Variants in PGM2L1 observed in about 807,000 individuals in gnomAD.
The protein encoded by PGM2L1 is glucose 1,6-bisphosphate synthase.
PGM2L1 carries 35 observed loss-of-function variants against 73.4 expected under a neutral mutation model. The observed-to-expected ratio is 0.48, with a 90% confidence interval of 0.36 to 0.63. PGM2L1 has a LOEUF of 0.63. Among genes scored for constraint, PGM2L1 ranks in the 30% least tolerant of loss-of-function variants. The pLI, the probability that PGM2L1 is intolerant of heterozygous loss-of-function variation, is 0.00. For synonymous variants in PGM2L1, 225 were observed against 253.8 expected (o/e 0.89, Z 1.08); for missense variants, 570 against 742.0 (o/e 0.77, Z 2.69).
intron 1 of PGM2L1, among the ~76,000 whole-genome samples, chr11:74,385,423 GGACAATT>G (rs574627186): frequency 2.9e-4 from 44 of 152,010 alleles, no homozygotes; most frequent in African/African-American, 9.9e-4. Context: ...TGTAGTTCTT[GGACAATT>G]TAAGGGTTTA....
chr11:74,345,723 T>C (rs1232068013), intron 8 of PGM2L1, 74 bp from the exon 9 acceptor site: 10 of 1,299,834 alleles, frequency 7.7e-6, no homozygotes, highest in African/African-American at 6.0e-5. Flanking sequence ...GGCCTAAAAA[T>C]TACCATCCTT....
At chr11:74,383,143 A>C (rs141144519) in intron 1 of PGM2L1, among the ~76,000 whole-genome samples, 104 of 152,354 alleles carry the variant, frequency 6.8e-4, no homozygotes, top group African/African-American at 2.3e-3. Context: ...TAATAATAAA[A>C]AAGTAAGCAA....
At chr11:74,371,882 T>G in intron 2 of PGM2L1, 65 bp from the exon 3 acceptor site, 4 of 1,367,696 alleles carry the variant, frequency 2.9e-6, no homozygotes, top group South Asian at 2.3e-5. Flanking sequence ...ACTCAGAATC[T>G]CTTATTTTTA....
In PGM2L1 at chr11:74,347,137, T is replaced by A. The variant is rs771309138; in HGVS notation, c.939+11A>T. 7.2e-6 allele frequency: 11 copies of A among 1,523,978 alleles called. No homozygotes were observed. Among genetic ancestry groups the A allele is most frequent in the South Asian group, 5.3e-5 (4 of 74,986 alleles). 94.4% of individuals were successfully genotyped at this position (1,523,978 alleles called of 1,614,324 possible). Reference sequence around the variant, plus strand: ...ATAAACTAATAATAATTTAAATATTTAAAAAAATACCAGCACAGATTCTCC... The same window carrying A: ...ATAAACTAATAATAATTTAAATATTAAAAAAAATACCAGCACAGATTCTCC... On this transcript the variant is annotated intron_variant, in intron 7 of 13. Coordinates refer to ENST00000298198, the MANE Select transcript of PGM2L1 (RefSeq NM_173582.6).
intron 12 of PGM2L1, among the ~76,000 whole-genome samples, chr11:74,341,553 G>A (rs1026279341): frequency 2.0e-5 from 3 of 152,026 alleles, no homozygotes; most frequent in Non-Finnish European, 4.4e-5. Context: ...TTAGTCAGGC[G>A]TGGTGACATG....
chr11:74,348,923 G>GGAA (rs1283525340), intron 6 of PGM2L1, among the ~76,000 whole-genome samples: 1 of 152,130 alleles, frequency 6.6e-6, no homozygotes, highest in Non-Finnish European at 1.5e-5. Flanking sequence ...ACTCACAGGT[G>GGAA]GAAGCACACA....
At chr11:74,380,784 A>T (rs569221822) in intron 1 of PGM2L1, among the ~76,000 whole-genome samples, 1 of 152,310 alleles carries the variant, frequency 6.6e-6, no homozygotes, top group East Asian at 1.9e-4. Flanking sequence ...AATATTTCTC[A>T]TATAAGGTAG....
At chr11:74,358,122 A>T (rs1040057268) in intron 5 of PGM2L1, among the ~76,000 whole-genome samples, 6 of 152,242 alleles carry the variant, frequency 3.9e-5, no homozygotes, top group African/African-American at 1.2e-4. Context: ...GTCAAAATGC[A>T]AAGAATGTAC....
chr11:74,347,463 G>T, intron 6 of PGM2L1, 126 bp from the exon 7 acceptor site: 1 of 738,842 alleles, frequency 1.4e-6, no homozygotes, highest in Non-Finnish European at 2.0e-6. Context: ...AGAGGTCTAA[G>T]ATATTCAAAC....
intron 1 of PGM2L1, among the ~76,000 whole-genome samples, chr11:74,379,691 A>C (rs900429826): frequency 3.9e-5 from 6 of 152,124 alleles, no homozygotes; most frequent in Non-Finnish European, 7.4e-5. Flanking sequence ...TGGGAGGCTG[A>C]GGTGGATGGC....
At chr11:74,366,253 C>A (rs540550617) in intron 5 of PGM2L1, among the ~76,000 whole-genome samples, 1 of 151,664 alleles carries the variant, frequency 6.6e-6, no homozygotes, top group African/African-American at 2.4e-5. Flanking sequence ...TGGAGATATA[C>A]CCAATGTAAA....
At chr11:74,344,777 T>A (rs1485575537) in intron 9 of PGM2L1, among the ~76,000 whole-genome samples, 1 of 152,202 alleles carries the variant, frequency 6.6e-6, no homozygotes, top group Non-Finnish European at 1.5e-5. Context: ...TTTTGCTATT[T>A]GTGTTTTAGA....
intron 5 of PGM2L1, among the ~76,000 whole-genome samples, chr11:74,360,426 G>C (rs1862540877): frequency 6.6e-6 from 1 of 151,902 alleles, no homozygotes. Flanking sequence ...GATAGCAGAG[G>C]CGGTTCCAAG....
intron 5 of PGM2L1, chr11:74,354,702 G>A: frequency 9.2e-7 from 1 of 1,087,876 alleles, no homozygotes; most frequent in South Asian, 1.2e-5. Flanking sequence ...TGGAACCAAA[G>A]AGAGCTGTTT....
At chr11:74,357,820 C>T (rs1274556249) in intron 5 of PGM2L1, among the ~76,000 whole-genome samples, 1 of 152,166 alleles carries the variant, frequency 6.6e-6, no homozygotes, top group African/African-American at 2.4e-5. Context: ...GTGGTACCTC[C>T]AGACGATGGA....
At chr11:74,376,645 G>T (rs948202540) in intron 1 of PGM2L1, among the ~76,000 whole-genome samples, 11 of 151,910 alleles carry the variant, frequency 7.2e-5, no homozygotes, top group African/African-American at 2.7e-4. Context: ...AAATGATCCA[G>T]CAGACATAAA....
rs1329643681 is a variant in PGM2L1, at chr11:74,333,500, A to G, written c.*3152T>C. 1.3e-5 allele frequency: 2 copies of G among 152,046 alleles called. No individual in the cohort carries two copies. Among genetic ancestry groups the G allele is most frequent in the Admixed American group, 6.6e-5 (1 of 15,266 alleles). The allele number at this position is 152,046 out of a possible 1,614,324, so 9.4% of individuals were successfully genotyped here. Reference sequence around the variant, plus strand: ...TCTAATCTACATTTTCTTCCTTTTTATTTCTGCTCTACCTCTTCCTGAGTT... The same window carrying G: ...TCTAATCTACATTTTCTTCCTTTTTGTTTCTGCTCTACCTCTTCCTGAGTT... On this transcript the variant is annotated 3_prime_UTR_variant, in exon 14 of 14. Coordinates refer to ENST00000298198, the MANE Select transcript of PGM2L1 (RefSeq NM_173582.6).
chr11:74,392,272 G>A (rs1452576095), intron 1 of PGM2L1, among the ~76,000 whole-genome samples: 1 of 151,814 alleles, frequency 6.6e-6, no homozygotes, highest in East Asian at 1.9e-4. Context: ...TCATAAGCAT[G>A]TATTTCTTCA....
At chr11:74,384,015 T>C (rs1862987164) in intron 1 of PGM2L1, among the ~76,000 whole-genome samples, 1 of 151,864 alleles carries the variant, frequency 6.6e-6, no homozygotes, top group Non-Finnish European at 1.5e-5. Flanking sequence ...CATTCATCAG[T>C]TTAGGAAATT....
Sources: allele counts gnomAD v4.1 joint callset (sites outside exome capture counted in the v4.1 genomes callset), GRCh38; gene constraint gnomAD v4.1.1; transcripts MANE v1.5; gene names NCBI Gene and HGNC (gene_info 2026-07-23, HGNC 2026-07-21).